The following DGKD variants were observed in gnomAD, a reference collection of about 807,000 sequenced individuals.
DGKD encodes DAG kinase delta.
Under a neutral mutation model 154.4 loss-of-function variants are expected in DGKD, and 68 were observed. The observed-to-expected ratio is 0.44, with a 90% CI of 0.36 to 0.54. The LOEUF is 0.54. Ranked by LOEUF, DGKD falls within the 20% of genes least tolerant of loss-of-function variation. The pLI, the probability that DGKD is intolerant of heterozygous loss-of-function variation, is 0.00. For synonymous variants in DGKD, 693 were observed against 638.0 expected (o/e 1.09, Z -1.30); for missense variants, 1,343 against 1,593.6 (o/e 0.84, Z 2.68).
intron 19 of DGKD, among the ~76,000 whole-genome samples, chr2:233,456,519 G>C (rs1353216081): frequency 1.3e-5 from 2 of 152,192 alleles, no homozygotes; most frequent in African/African-American, 2.4e-5. Context: ...GGATTATGAG[G>C]AGTGTCTTCT....
At chr2:233,427,337 CTTTT>C (rs35153949) in intron 3 of DGKD, among the ~76,000 whole-genome samples, 12 of 83,748 alleles carry the variant, frequency 1.4e-4, no homozygotes, top group Non-Finnish European at 1.5e-4. Flanking sequence ...TATTGCCCTG[CTTTT>C]TTTTTTTTTT....
intron 3 of DGKD, among the ~76,000 whole-genome samples, chr2:233,403,564 A>T (rs1037183996): frequency 6.6e-6 from 1 of 152,052 alleles, no homozygotes; most frequent in Non-Finnish European, 1.5e-5. Flanking sequence ...CCATCTCAAA[A>T]ATAAAAATAA....
intron 18 of DGKD, among the ~76,000 whole-genome samples, chr2:233,453,145 G>C (rs1338559205): frequency 6.6e-6 from 1 of 152,208 alleles, no homozygotes; most frequent in Non-Finnish European, 1.5e-5. Context: ...TTCCACTTCT[G>C]TTGCTCAGCT....
intron 27 of DGKD, among the ~76,000 whole-genome samples, chr2:233,466,082 C>T (rs1326349988): frequency 6.6e-6 from 1 of 152,042 alleles, no homozygotes; most frequent in Non-Finnish European, 1.5e-5. Flanking sequence ...ATTAGCTGTT[C>T]AAGACTATGT....
intron 3 of DGKD, among the ~76,000 whole-genome samples, chr2:233,421,415 T>C (rs1428181564): frequency 2.0e-5 from 3 of 152,340 alleles, no homozygotes; most frequent in East Asian, 3.9e-4. Flanking sequence ...TCCTGCCTTC[T>C]TTCCTGCATC....
intron 1 of DGKD, among the ~76,000 whole-genome samples, chr2:233,370,512 C>T (rs747104702): frequency 2.6e-4 from 39 of 151,766 alleles, no homozygotes; most frequent in Non-Finnish European, 1.8e-4. Context: ...CCACCGCACC[C>T]GGCCACTGAG....
chr2:233,435,580 C>T (rs1559544244), intron 5 of DGKD, among the ~76,000 whole-genome samples: 1 of 152,212 alleles, frequency 6.6e-6, no homozygotes, highest in African/African-American at 2.4e-5. Flanking sequence ...TGCAGAGTCT[C>T]CACTGCTCAC....
rs551881574 is a variant in DGKD at position 233,440,542 on chromosome 2, C to T, written c.1086-1345C>T. Among the ~76,000 whole-genome samples, 97 of 152,278 alleles carry T rather than the reference C, an allele frequency of 6.4e-4. No individual in the cohort carries two copies. Among genetic ancestry groups the T allele is most frequent in the African/African-American group, 2.3e-3 (96 of 41,560 alleles). ...AACTGGGCGTCCTTCCACGTCTCCC[C>T]GAGCTGGCATCCGAGGAGCTCTAGT... On this transcript the variant is annotated intron_variant, in intron 9 of 29. Transcript: ENST00000264057. This position sits in a 1 kb window ranked among gnomAD's most constrained non-coding sequence, Gnocchi z 4.9.
intron 6 of DGKD, 122 bp from the exon 7 acceptor site, chr2:233,436,194 C>T (rs1410350737): frequency 6.7e-7 from 1 of 1,482,788 alleles, no homozygotes. Flanking sequence ...CCTCACTGGC[C>T]ATCAGGGAAG....
chr2:233,432,017 G>C (rs941328977), intron 3 of DGKD, among the ~76,000 whole-genome samples: 2 of 152,200 alleles, frequency 1.3e-5, no homozygotes, highest in Non-Finnish European at 1.5e-5. Flanking sequence ...AAAAGCTCCT[G>C]TTTTTAACAA....
intron 4 of DGKD, 48 bp downstream of exon 4, chr2:233,434,532 C>T: frequency 1.3e-6 from 2 of 1,555,922 alleles, no homozygotes; most frequent in Non-Finnish European, 1.8e-6. Context: ...TTGCCTCCCT[C>T]ACCCCAGTGT....
chr2:233,393,461 T>C (rs1703778196), intron 3 of DGKD, among the ~76,000 whole-genome samples: 1 of 150,750 alleles, frequency 6.6e-6, no homozygotes, highest in Non-Finnish European at 1.5e-5. Context: ...TTCAGCCTCC[T>C]GAGTAGCTGG....
chr2:233,375,031 T>C lies in DGKD; in HGVS notation c.157-13226T>C, dbSNP rs112185884. On this transcript the variant is annotated intron_variant, in intron 1 of 29. Coordinates refer to ENST00000264057, the MANE Select transcript of DGKD (RefSeq NM_152879.3). ...GGAGCCGGGCGTGGTGGCTCATGCC[T>C]GTAATCCCAGCACTTTGGGCGCCCA... Among the ~76,000 whole-genome samples the C allele has an allele frequency of 6.6e-3, 1,000 of 152,298 alleles. 9 individuals carry two copies. Among genetic ancestry groups the C allele is most frequent in the African/African-American group, 0.023 (957 of 41,566 alleles).
chr2:233,467,655 A>T (rs1349810741), intron 28 of DGKD, among the ~76,000 whole-genome samples: 2 of 152,218 alleles, frequency 1.3e-5, no homozygotes, highest in African/African-American at 4.8e-5. Flanking sequence ...AATCAATCGA[A>T]TATGGTCCTG....
At chr2:233,451,191 C>A in intron 17 of DGKD, 141 bp downstream of exon 17, 1 of 909,354 alleles carries the variant, frequency 1.1e-6, no homozygotes, top group Non-Finnish European at 1.5e-6. Flanking sequence ...ATTTACACGA[C>A]TGTATGAAAA....
rs1277695413 is a variant in DGKD, at chr2:233,438,473, C to T, written c.1085+94C>T. 1 of 1,420,364 alleles carries T rather than the reference C, an allele frequency of 7.0e-7. No homozygotes were observed. Among genetic ancestry groups the T allele is most frequent in the Non-Finnish European group, 9.5e-7 (1 of 1,054,722 alleles). 88.0% of individuals were successfully genotyped at this position (1,420,364 alleles called of 1,614,324 possible). ...AAAAAAAAAGTTCAAAGACACAAAG[C>T]TTTAAATAGGAAAGAAAAGTTGAAC... On this transcript the variant is annotated intron_variant, in intron 9 of 29. Transcript: ENST00000264057. The surrounding 1 kb of genome is among the most constrained non-coding windows in gnomAD (Gnocchi z 4.1).
rs547547879 is a variant in DGKD at position 233,437,343 on chromosome 2, G to A, written c.820-34G>A. The A allele has an allele frequency of 1.6e-5, 25 of 1,593,024 alleles. No homozygotes were observed. The East Asian group carries it at 5.6e-4, about 36-fold the overall frequency. On this transcript the variant is annotated intron_variant, in intron 7 of 29. Transcript: ENST00000264057. ...TTTCTGGTGTGTGTGAAGGATGCCA[G>A]TGACCCTTGGTGACGCGGGGACTCT...
At chr2:233,463,476 C>T (rs552310675) in intron 26 of DGKD, among the ~76,000 whole-genome samples, 4 of 111,700 alleles carry the variant, frequency 3.6e-5, no homozygotes, top group Non-Finnish European at 5.2e-5. Context: ...CCTCACTGCA[C>T]GCATGTCCTC....
intron 19 of DGKD, among the ~76,000 whole-genome samples, chr2:233,455,342 A>G (rs1320956054): frequency 1.3e-5 from 2 of 152,200 alleles, no homozygotes; most frequent in Admixed American, 6.5e-5. Context: ...GGGAGCCCCA[A>G]GGGGCATCAC....
Sources: gnomAD v4.1 joint callset for allele counts (sites outside exome capture counted in the v4.1 genomes callset) on GRCh38, gnomAD v4.1.1 for gene constraint, Gnocchi (gnomAD v3.1) non-coding constraint, MANE v1.5 for transcripts, NCBI Gene and HGNC (gene_info 2026-07-23, HGNC 2026-07-21) for gene names.